UBLCP1: variants seen among roughly 807,000 people sequenced by gnomAD.
UBLCP1 encodes the protein ubiquitin like domain containing CTD phosphatase 1.
Under a neutral mutation model 42.4 loss-of-function variants are expected in UBLCP1, and 28 were observed. That is an observed-to-expected ratio of 0.66 (90% CI 0.49 to 0.90). The LOEUF (loss-of-function observed/expected upper bound fraction) is 0.90. UBLCP1 is among the 40% of genes least tolerant of loss of function. The pLI is 0.00. For synonymous variants in UBLCP1, 122 were observed against 120.8 expected (o/e 1.01, Z -0.07); for missense variants, 279 against 374.5 (o/e 0.75, Z 2.10).
chr5:159,266,971 C>T (rs983425848), intron 1 of UBLCP1, among the ~76,000 whole-genome samples: 1 of 152,212 alleles, frequency 6.6e-6, no homozygotes, highest in African/African-American at 2.4e-5. Context: ...TCATGGGGAA[C>T]TTCTGCTAGG....
chr5:159,270,604 A>G lies in UBLCP1; in HGVS notation c.409A>G (p.Lys137Glu). The change falls in exon 5 of 11, where the codon AAA becomes GAA. Residue 137 changes from lysine (K) to glutamate (E), a missense_variant. Physicochemically the swap from Lys to Glu is moderately conservative, Grantham distance 56 (BLOSUM62 1). Coordinates refer to ENST00000296786, the MANE Select transcript of UBLCP1 (RefSeq NM_145049.5). Reference protein sequence around the residue: ...VEILNPPREGKKLLVLDVDYT... With the variant: ...VEILNPPREGEKLLVLDVDYT... ...AATTTTGAATCCTCCCAGGGAAGGGAAAAAGCTTTTGGTGCTAGATGTTGA... is the reference window on the plus strand; with the variant it reads ...AATTTTGAATCCTCCCAGGGAAGGGGAAAAGCTTTTGGTGCTAGATGTTGA... 6.2e-7 allele frequency: 1 copy of G among 1,609,124 alleles called. No individual in the cohort carries two copies. Among genetic ancestry groups the G allele is most frequent in the Non-Finnish European group, 8.5e-7 (1 of 1,178,490 alleles).
chr5:159,266,468 T>C (rs1013222017), intron 1 of UBLCP1, among the ~76,000 whole-genome samples: 10 of 152,190 alleles, frequency 6.6e-5, no homozygotes, highest in Non-Finnish European at 1.3e-4. Context: ...AAGCAGAGCA[T>C]AGAAGTTTGG....
Position 159,281,933 on chromosome 5 carries a change from T to C in UBLCP1, c.802-1279T>C, listed in dbSNP as rs910941258. On this transcript the variant is annotated intron_variant, in intron 9 of 10. Coordinates refer to ENST00000296786, the MANE Select transcript of UBLCP1 (RefSeq NM_145049.5). ...AAGAATATACTAATACTTTGCTAAG[T>C]ATGATGAAATCAGTCCTTACATGTG... Among the ~76,000 whole-genome samples, 5 of 152,086 alleles carry C rather than the reference T, an allele frequency of 3.3e-5. No individual in the cohort carries two copies. In the South Asian group the frequency reaches 6.2e-4, roughly 19 times the overall value.
chr5:159,268,977 A>C lies in UBLCP1; in HGVS notation c.62A>C (p.Glu21Ala). Residue 21 changes from glutamate (E) to alanine (A), a missense_variant, in exon 2 of 11, where the codon GAA (glutamate) becomes GCA (alanine). By Grantham distance (107) the Glu-to-Ala change is moderately radical. Coordinates refer to ENST00000296786, the MANE Select transcript of UBLCP1 (RefSeq NM_145049.5). ...GAGTATTCAGTGACCACACTTTCAG[A>C]AGATGATACTGTGCTCGATCTCAAA... Reference protein sequence around the residue: ...GQEYSVTTLSEDDTVLDLKQF... With the variant: ...GQEYSVTTLSADDTVLDLKQF... 1 of 1,611,990 alleles carries C rather than the reference A, an allele frequency of 6.2e-7. No homozygotes were observed. Among genetic ancestry groups the C allele is most frequent in the Non-Finnish European group, 8.5e-7 (1 of 1,179,168 alleles).
Position 159,274,590 on chromosome 5 carries a change from A to G in UBLCP1, c.553A>G (p.Thr185Ala). ...EDYDIVIWSA[T>A]NMKWIEAKMK... is the part of the protein sequence containing the mutation. ...TATCATTCCTCGTGTTTTAGCTGCA[A>G]CAAATATGAAGTGGATTGAAGCTAA... Residue 185 changes from threonine (T) to alanine (A), a missense_variant, in exon 7 of 11, where the codon ACA becomes GCA. Physicochemically the swap from Thr to Ala is moderately conservative, Grantham distance 58 (BLOSUM62 0). Coordinates refer to ENST00000296786, the MANE Select transcript of UBLCP1 (RefSeq NM_145049.5). The G allele has an allele frequency of 6.2e-7, 1 of 1,611,430 alleles. No individual in the cohort carries two copies. The highest frequency in any genetic ancestry group is 8.5e-7 in the Non-Finnish European group (1 of 1,178,594).
At chr5:159,279,238 A>T (rs1315827265) in intron 9 of UBLCP1, among the ~76,000 whole-genome samples, 1 of 152,244 alleles carries the variant, frequency 6.6e-6, no homozygotes, top group Non-Finnish European at 1.5e-5. Flanking sequence ...AATTTGGGTT[A>T]GACTCTAGTG....
intron 9 of UBLCP1, 140 bp from the exon 10 acceptor site, chr5:159,283,072 G>A (rs1753626721): frequency 1.3e-6 from 1 of 780,120 alleles, no homozygotes; most frequent in Admixed American, 3.7e-5. Context: ...TTTCTATTTA[G>A]GCTAATATAA....
At chr5:159,281,989 T>G (rs188945066) in intron 9 of UBLCP1, among the ~76,000 whole-genome samples, 1 of 152,088 alleles carries the variant, frequency 6.6e-6, no homozygotes, top group Admixed American at 6.6e-5. Context: ...TTTAGGAATA[T>G]GTATGATTTT....
In UBLCP1 at chr5:159,274,575, C is replaced by T. The variant is rs766612163; in HGVS notation, c.548-10C>T. 53 of 1,607,862 alleles carry T rather than the reference C, an allele frequency of 3.3e-5. No individual in the cohort carries two copies. The highest frequency in any genetic ancestry group is 6.7e-5 in the Admixed American group (4 of 59,288). ...TCATATGTATTGTATTATCATTCCTCGTGTTTTAGCTGCAACAAATATGAA... is the reference window on the plus strand; with the variant it reads ...TCATATGTATTGTATTATCATTCCTTGTGTTTTAGCTGCAACAAATATGAA... On this transcript the variant is annotated splice_polypyrimidine_tract_variant and intron_variant, in intron 6 of 10. Coordinates refer to ENST00000296786, the MANE Select transcript of UBLCP1 (RefSeq NM_145049.5).
At chr5:159,268,508 C>T (rs1056740221) in intron 1 of UBLCP1, among the ~76,000 whole-genome samples, 1 of 152,200 alleles carries the variant, frequency 6.6e-6, no homozygotes, top group Non-Finnish European at 1.5e-5. Context: ...TTCTTAACTA[C>T]ACCACACTAC....
At chr5:159,274,521 C>T in intron 6 of UBLCP1, 64 bp from the exon 7 acceptor site, 1 of 1,448,582 alleles carries the variant, frequency 6.9e-7, no homozygotes, top group Non-Finnish European at 9.5e-7. Context: ...CTTACTTATA[C>T]AGATTTTTTT....
At chr5:159,277,168 C>T (rs570016735) in intron 8 of UBLCP1, among the ~76,000 whole-genome samples, 25 of 149,746 alleles carry the variant, frequency 1.7e-4, no homozygotes, top group African/African-American at 5.9e-4. Flanking sequence ...GTCTTCATTT[C>T]GTGGGGGGAG....
chr5:159,282,500 T>A (rs1488298665), intron 9 of UBLCP1, among the ~76,000 whole-genome samples: 1 of 152,138 alleles, frequency 6.6e-6, no homozygotes, highest in Non-Finnish European at 1.5e-5. Context: ...GCCACTCAAG[T>A]CAAGATATGG....
chr5:159,264,743 A>G (rs1562097171), intron 1 of UBLCP1, among the ~76,000 whole-genome samples: 1 of 152,154 alleles, frequency 6.6e-6, no homozygotes, highest in Non-Finnish European at 1.5e-5. Flanking sequence ...TCTCCACCCC[A>G]ATTACATTTC....
At chr5:159,267,354 A>G (rs1348233805) in intron 1 of UBLCP1, among the ~76,000 whole-genome samples, 2 of 152,124 alleles carry the variant, frequency 1.3e-5, no homozygotes, top group East Asian at 1.9e-4. Context: ...GTTTTGGCCA[A>G]TTTCTCCCAT....
chr5:159,280,371 G>C (rs567740442), intron 9 of UBLCP1, among the ~76,000 whole-genome samples: 5 of 152,166 alleles, frequency 3.3e-5, no homozygotes, highest in Non-Finnish European at 7.4e-5. Context: ...GGCATGATCA[G>C]AGCTCATTGC....
intron 1 of UBLCP1, among the ~76,000 whole-genome samples, chr5:159,267,196 G>A (rs1753408584): frequency 6.6e-6 from 1 of 152,216 alleles, no homozygotes; most frequent in Admixed American, 6.5e-5. Flanking sequence ...AAAGCCACAG[G>A]GGTGGAGCTA....
At chr5:159,275,018 T>C (rs1753515837) in intron 7 of UBLCP1, 130 bp from the exon 8 acceptor site, 1 of 733,156 alleles carries the variant, frequency 1.4e-6, no homozygotes, top group Admixed American at 2.7e-5. Context: ...TACTTCCTAG[T>C]TGTTTAGCAA....
intron 8 of UBLCP1, 134 bp downstream of exon 8, chr5:159,275,380 G>C: frequency 4.4e-6 from 2 of 454,458 alleles, no homozygotes; most frequent in Non-Finnish European, 3.8e-6. Context: ...TTTGACATAG[G>C]AAAATGTATT....
Sources: gnomAD v4.1 joint callset for allele counts (sites outside exome capture counted in the v4.1 genomes callset) on GRCh38, gnomAD v4.1.1 for gene constraint, MANE v1.5 for transcripts, NCBI Gene and HGNC (gene_info 2026-07-23, HGNC 2026-07-21) for gene names.